APAF1: variants seen among roughly 807,000 people sequenced by gnomAD.
APAF1 encodes apoptotic protease-activating factor 1.
In APAF1, 91 loss-of-function variants were observed where a neutral mutation model predicts 152.4. The ratio of observed to expected loss-of-function variants is 0.60; its 90% CI spans 0.50 to 0.71. The LOEUF (loss-of-function observed/expected upper bound fraction) is 0.71, where lower values mean the gene tolerates loss of function less well. Ranked by LOEUF, APAF1 falls within the 30% of genes least tolerant of loss-of-function variation. The pLI, the probability that APAF1 is intolerant of heterozygous loss-of-function variation, is 0.00. For missense variants in APAF1, 1,283 were observed against 1,472.0 expected, an observed-to-expected ratio of 0.87 and a Z score of 2.10; for synonymous variants, 484 against 494.1, an observed-to-expected ratio of 0.98 and a Z score of 0.27.
chr12:98,667,827 A>C (rs746207393), intron 10 of APAF1, among the ~76,000 whole-genome samples, 183 bp downstream of exon 10: 1 of 123,648 alleles, frequency 8.1e-6, no homozygotes, highest in East Asian at 2.6e-4. Flanking sequence ...GCTGGAGTGC[A>C]GTGGCACAAT....
chr12:98,708,699 C>G lies in APAF1; in HGVS notation c.2836C>G (p.Leu946Val), dbSNP rs1210750547. The G allele has an allele frequency of 6.2e-7, 1 of 1,612,632 alleles. No individual in the cohort carries two copies. Among genetic ancestry groups the G allele is most frequent in the African/African-American group, 1.3e-5 (1 of 74,892 alleles). Residue 946 changes from leucine (L) to valine (V), a missense_variant, in exon 20 of 27, where the codon CTG becomes GTG. Coordinates refer to ENST00000551964, the MANE Select transcript of APAF1 (RefSeq NM_181861.2). ...CCTTGCAGTTGACCATATAAGACGTCTGCAAGTGAGTATTTTTTAGAAAAC... is the reference window on the plus strand; with the variant it reads ...CCTTGCAGTTGACCATATAAGACGTGTGCAAGTGAGTATTTTTTAGAAAAC... ...MVLAVDHIRR[L>V]QLINGRTGQI...
At chr12:98,713,501 C>T (rs1466884225) in intron 21 of APAF1, among the ~76,000 whole-genome samples, 5 of 152,162 alleles carry the variant, frequency 3.3e-5, no homozygotes, top group Non-Finnish European at 1.5e-5. Context: ...AGAAGAACCT[C>T]AGTTCACCAC....
chr12:98,649,452 C>G (rs377621845), intron 3 of APAF1, 35 bp from the exon 4 acceptor site: 13 of 1,601,640 alleles, frequency 8.1e-6, no homozygotes, highest in Non-Finnish European at 1.1e-5. Context: ...TTCCAAAGTT[C>G]TATTCATTCA....
At chr12:98,669,969 T>A (rs968103799) in intron 10 of APAF1, among the ~76,000 whole-genome samples, 1 of 149,958 alleles carries the variant, frequency 6.7e-6, no homozygotes, top group Non-Finnish European at 1.5e-5. Flanking sequence ...CACCAGGATG[T>A]CACTCTGTTG....
At chr12:98,676,699 T>G (rs1045517759) in intron 12 of APAF1, among the ~76,000 whole-genome samples, 1 of 148,852 alleles carries the variant, frequency 6.7e-6, no homozygotes, top group African/African-American at 2.5e-5. Context: ...CAGGCTGGAG[T>G]GCAGTGGCGC....
At chr12:98,673,957 A>AT (rs369045067) in intron 12 of APAF1, among the ~76,000 whole-genome samples, 5 of 150,902 alleles carry the variant, frequency 3.3e-5, no homozygotes, top group Non-Finnish European at 5.9e-5. Context: ...GAGAATTAAA[A>AT]TTTTTTTTTT....
At chr12:98,722,597 T>C (rs1475823519) in intron 22 of APAF1, among the ~76,000 whole-genome samples, 1 of 152,218 alleles carries the variant, frequency 6.6e-6, no homozygotes, top group African/African-American at 2.4e-5. Context: ...ACTCATGTTA[T>C]TTCATTCCCC....
At chr12:98,694,554 T>A (rs1449247133) in intron 16 of APAF1, among the ~76,000 whole-genome samples, 1 of 152,188 alleles carries the variant, frequency 6.6e-6, no homozygotes, top group Non-Finnish European at 1.5e-5. Context: ...AAATTTCTGC[T>A]ACCATATTTT....
intron 18 of APAF1, 91 bp from the exon 19 acceptor site, chr12:98,706,394 A>T (rs1480213533): frequency 7.9e-6 from 10 of 1,265,694 alleles, no homozygotes; most frequent in Non-Finnish European, 1.2e-5. Context: ...TTGAAGTGGT[A>T]TTGCTGGCTC....
At chr12:98,695,666 T>G (rs1394817977) in intron 16 of APAF1, among the ~76,000 whole-genome samples, 1 of 152,250 alleles carries the variant, frequency 6.6e-6, no homozygotes, top group African/African-American at 2.4e-5. Context: ...CTCTCAACTG[T>G]GTTGGGTATA....
Position 98,667,781 on chromosome 12 carries a change from T to TC in APAF1, c.1494+137_1494+138insC, listed in dbSNP as rs2097675098. 1.4e-5 allele frequency: 12 copies of TC among 870,460 alleles called. No individual in the cohort carries two copies. The South Asian group carries it at 2.1e-4, about 15-fold the overall frequency. 53.9% of individuals were successfully genotyped at this position (870,460 alleles called of 1,614,324 possible). On this transcript the variant is annotated intron_variant, in intron 10 of 26. Coordinates refer to ENST00000551964, the MANE Select transcript of APAF1 (RefSeq NM_181861.2). ...TTCCATTTGATTTTTTTTTTTTTTT[T>TC]TTTTTTTTGAGACAGGGTCTCACTT...
At chr12:98,711,308 C>T (rs1455709236) in intron 20 of APAF1, among the ~76,000 whole-genome samples, 1 of 152,090 alleles carries the variant, frequency 6.6e-6, no homozygotes, top group Non-Finnish European at 1.5e-5. Flanking sequence ...AGTCATCTGT[C>T]TATAAAGGTA....
In APAF1 at chr12:98,649,569, G is replaced by C; in HGVS notation, c.411G>C (p.Gln137His). ...GGAAGAAGCTGGTGAATGCAATTCA[G>C]CAGAAGCTCTCCAAATTGAAAGGTG... ...VTRKKLVNAI[Q>H]QKLSKLKGEP... The change falls in exon 4 of 27, where the codon CAG becomes CAC. Residue 137 changes from glutamine to histidine, a missense_variant. Coordinates refer to ENST00000551964, the MANE Select transcript of APAF1 (RefSeq NM_181861.2). 6.2e-7 allele frequency: 1 copy of C among 1,614,146 alleles called. No homozygotes were observed. Among genetic ancestry groups the C allele is most frequent in the Non-Finnish European group, 8.5e-7 (1 of 1,179,992 alleles).
intron 25 of APAF1, among the ~76,000 whole-genome samples, chr12:98,726,257 T>C (rs977878062): frequency 2.6e-5 from 4 of 152,234 alleles, no homozygotes; most frequent in African/African-American, 9.6e-5. Flanking sequence ...TGTGGAAATA[T>C]AGTACCATAT....
chr12:98,665,723 A>G lies in APAF1; in HGVS notation c.1126A>G (p.Arg376Gly), dbSNP rs141824871. ...EAMSISVEML[R>G]EDIKDYYTDL... ...CATGTCTATAAGTGTTGAAATGCTC[A>G]GAGAAGACATCAAAGATTATTACAC... Residue 376 changes from arginine to glycine, a missense_variant, in exon 8 of 27, where the codon AGA (arginine) becomes GGA (glycine). Physicochemically the swap from Arg to Gly is moderately radical, Grantham distance 125. Coordinates refer to ENST00000551964, the MANE Select transcript of APAF1 (RefSeq NM_181861.2). 2.5e-6 allele frequency: 4 copies of G among 1,614,148 alleles called. No individual in the cohort carries two copies. Among genetic ancestry groups the G allele is most frequent in the Non-Finnish European group, 3.4e-6 (4 of 1,180,006 alleles).
At chr12:98,697,363 T>C (rs945568609) in intron 16 of APAF1, among the ~76,000 whole-genome samples, 1 of 152,238 alleles carries the variant, frequency 6.6e-6, no homozygotes, top group African/African-American at 2.4e-5. Flanking sequence ...CTTACTTCCC[T>C]TACTGGCCTG....
At chr12:98,676,593 A>T (rs2097686775) in intron 12 of APAF1, among the ~76,000 whole-genome samples, 1 of 152,016 alleles carries the variant, frequency 6.6e-6, no homozygotes, top group South Asian at 2.1e-4. Flanking sequence ...GATACAAAGA[A>T]TATGATGTTG....
intron 16 of APAF1, among the ~76,000 whole-genome samples, chr12:98,690,216 T>C (rs1385015688): frequency 6.6e-6 from 1 of 152,220 alleles, no homozygotes; most frequent in African/African-American, 2.4e-5. Flanking sequence ...ATAACTGTTT[T>C]TGTATAAATT....
intron 20 of APAF1, among the ~76,000 whole-genome samples, chr12:98,711,290 A>G (rs959107378): frequency 6.6e-6 from 1 of 152,180 alleles, no homozygotes; most frequent in African/African-American, 2.4e-5. Flanking sequence ...TAACTGTGAG[A>G]CTTAAAAAGT....
Sources: gnomAD v4.1 joint callset for allele counts (sites outside exome capture counted in the v4.1 genomes callset) on GRCh38, gnomAD v4.1.1 for gene constraint, MANE v1.5 for transcripts, NCBI Gene and HGNC (gene_info 2026-07-23, HGNC 2026-07-21) for gene names.